Variants in CHRM2 observed in about 807,000 individuals in gnomAD.
CHRM2 encodes the protein cholinergic receptor muscarinic 2.
CHRM2 carries 8 observed loss-of-function variants against 25.0 expected under a neutral mutation model. That is an observed-to-expected ratio of 0.32 (90% CI 0.19 to 0.58). CHRM2 has a LOEUF of 0.58. Ranked by LOEUF, CHRM2 falls within the 20% of genes least tolerant of loss-of-function variation. The probability of loss-of-function intolerance (pLI) is 0.88; values close to 1 mark genes in which losing one functional copy is unlikely to be tolerated. For missense variants in CHRM2, 440 were observed against 567.1 expected, an observed-to-expected ratio of 0.78 and a Z score of 2.28; for synonymous variants, 202 against 205.7, an observed-to-expected ratio of 0.98 and a Z score of 0.15.
At chr7:136,898,998 T>C (rs1020694875) in intron 2 of CHRM2, 2 of 152,090 alleles carry the variant, frequency 1.3e-5, no homozygotes, top group African/African-American at 4.8e-5. Flanking sequence ...GGTTGATGTA[T>C]GGTTTATGAT....
At chr7:136,931,424 A>C (rs1799098374) in intron 2 of CHRM2, among the ~76,000 whole-genome samples, 1 of 152,226 alleles carries the variant, frequency 6.6e-6, no homozygotes, top group Non-Finnish European at 1.5e-5. Flanking sequence ...AGCTTAAGAC[A>C]GCACATAGAA....
intron 2 of CHRM2, among the ~76,000 whole-genome samples, chr7:136,982,272 C>T (rs1364447693): frequency 1.3e-5 from 2 of 152,066 alleles, no homozygotes; most frequent in African/African-American, 4.8e-5. Context: ...GCAACCCCTA[C>T]TTATTTTGCT....
intron 3 of CHRM2, among the ~76,000 whole-genome samples, chr7:137,005,423 A>G (rs138408930): frequency 6.6e-6 from 1 of 152,138 alleles, no homozygotes; most frequent in Non-Finnish European, 1.5e-5. Flanking sequence ...TTTGTTTTCT[A>G]TATACTCTGA....
intron 3 of CHRM2, among the ~76,000 whole-genome samples, chr7:136,995,061 C>T (rs538332791): frequency 3.2e-4 from 49 of 152,012 alleles, no homozygotes; most frequent in Non-Finnish European, 5.7e-4. Context: ...ATTATTTATA[C>T]GGAGAAAGTG....
At chr7:136,906,407 T>A (rs543360734) in intron 2 of CHRM2, among the ~76,000 whole-genome samples, 111 of 151,488 alleles carry the variant, frequency 7.3e-4, no homozygotes, top group Middle Eastern at 3.4e-3. Context: ...ACATATGTAA[T>A]ATGTGTTTGT....
intron 2 of CHRM2, among the ~76,000 whole-genome samples, chr7:136,930,927 A>AAAAAAAAAAAAAAAAAAAAAAAAAAAAG (rs1290104978): frequency 7.2e-6 from 1 of 138,606 alleles, no homozygotes; most frequent in Admixed American, 7.1e-5. Context: ...AAAAAAAAAA[A>AAAAAAAAAAAAAAAAAAAAAAAAAAAAG]GGATAGAAAG....
intron 2 of CHRM2, among the ~76,000 whole-genome samples, chr7:136,908,555 A>G (rs182176146): frequency 2.0e-5 from 3 of 152,060 alleles, no homozygotes; most frequent in East Asian, 3.9e-4. Flanking sequence ...AGGTGAGGCC[A>G]CTTTTCTTTA....
chr7:137,004,634 A>G (rs7800093), intron 3 of CHRM2, among the ~76,000 whole-genome samples: 8,378 of 152,178 alleles, frequency 0.055, 497 homozygotes, highest in African/African-American at 0.15. Context: ...CCAAAAAGTC[A>G]TTTCATTTCA....
At chr7:136,949,112 T>G (rs185114677) in intron 2 of CHRM2, among the ~76,000 whole-genome samples, 1 of 152,262 alleles carries the variant, frequency 6.6e-6, no homozygotes, top group East Asian at 1.9e-4. Context: ...ATGGCCTTTG[T>G]TTTCTTAGTG....
At chr7:137,004,551 G>A (rs559853045) in intron 3 of CHRM2, among the ~76,000 whole-genome samples, 2 of 152,256 alleles carry the variant, frequency 1.3e-5, no homozygotes, top group East Asian at 1.9e-4. Flanking sequence ...CTTCGGAAGA[G>A]AGGGTGGGCA....
intron 2 of CHRM2, among the ~76,000 whole-genome samples, chr7:136,947,645 C>A (rs995799306): frequency 6.6e-5 from 10 of 152,052 alleles, no homozygotes; most frequent in African/African-American, 9.7e-5. Context: ...GCTAAGAAAC[C>A]TGCTTCTTTA....
intron 2 of CHRM2, among the ~76,000 whole-genome samples, chr7:136,952,387 G>A (rs918104541): frequency 2.0e-5 from 3 of 151,808 alleles, no homozygotes; most frequent in African/African-American, 7.3e-5. Flanking sequence ...CTTATTTAAA[G>A]CGTATCGAAG....
At position 136,890,283 on chromosome 7, in the gene CHRM2, G is replaced by A. The variant is rs180798659; in HGVS notation, c.-125+20865G>A. Reference sequence around the variant, plus strand: ...GGGCACATGGACTCCGAACTATAACGTCACCATTAACACTTTTTCATGTCA... The same window carrying A: ...GGGCACATGGACTCCGAACTATAACATCACCATTAACACTTTTTCATGTCA... On this transcript the variant is annotated intron_variant, in intron 2 of 3. Transcript: ENST00000680005. Among the ~76,000 whole-genome samples the A allele has an allele frequency of 5.1e-3, 777 of 152,210 alleles. 10 individuals carry two copies. The highest frequency in any genetic ancestry group is 4.7e-3 in the Non-Finnish European group (322 of 68,010).
intron 2 of CHRM2, among the ~76,000 whole-genome samples, chr7:136,881,063 C>G (rs1326142705): frequency 1.3e-5 from 2 of 149,946 alleles, no homozygotes; most frequent in Non-Finnish European, 3.0e-5. Flanking sequence ...GTAGATGCCA[C>G]TGTATGCATG....
intron 2 of CHRM2, chr7:136,899,439 C>A (rs1304508033): frequency 6.6e-6 from 1 of 152,104 alleles, no homozygotes; most frequent in African/African-American, 2.4e-5. Flanking sequence ...ATAATTCTTA[C>A]TAGTTTGCAT....
chr7:136,908,883 T>C (rs1797694504), intron 2 of CHRM2, among the ~76,000 whole-genome samples: 1 of 151,924 alleles, frequency 6.6e-6, no homozygotes, highest in Non-Finnish European at 1.5e-5. Context: ...AATCGACATC[T>C]CTAAAATATG....
intron 2 of CHRM2, among the ~76,000 whole-genome samples, chr7:136,922,467 G>A (rs961446344): frequency 6.6e-6 from 1 of 152,132 alleles, no homozygotes; most frequent in African/African-American, 2.4e-5. Context: ...AAAAGCCAAA[G>A]CTCCTTTATA....
chr7:136,989,892 G>A (rs112066530), intron 2 of CHRM2, among the ~76,000 whole-genome samples: 14 of 151,956 alleles, frequency 9.2e-5, no homozygotes, highest in African/African-American at 2.2e-4. Context: ...TAAGCAGAGC[G>A]CATACGTTTT....
At chr7:136,936,223 A>G (rs944830023) in intron 2 of CHRM2, among the ~76,000 whole-genome samples, 6 of 152,166 alleles carry the variant, frequency 3.9e-5, no homozygotes, top group Non-Finnish European at 8.8e-5. Flanking sequence ...GTTCTCTCCT[A>G]ACATCAAGCA....
Sources: gnomAD v4.1 joint callset for allele counts (sites outside exome capture counted in the v4.1 genomes callset) on GRCh38, gnomAD v4.1.1 for gene constraint, MANE v1.5 for transcripts, NCBI Gene and HGNC (gene_info 2026-07-23, HGNC 2026-07-21) for gene names.